KCNK13: variants seen among roughly 807,000 people sequenced by gnomAD.
The protein encoded by KCNK13 is potassium two pore domain channel subfamily K member 13, also known as potassium channel subfamily K member 13.
KCNK13 carries 12 observed loss-of-function variants against 23.4 expected under a neutral mutation model. The observed-to-expected ratio is 0.51, with a 90% confidence interval of 0.33 to 0.83. The LOEUF (loss-of-function observed/expected upper bound fraction) is 0.83, where lower values mean the gene tolerates loss of function less well. Among genes scored for constraint, KCNK13 ranks in the 40% least tolerant of loss-of-function variants. KCNK13 has a pLI of 0.02. For synonymous variants in KCNK13, 231 were observed against 229.5 expected (o/e 1.01, Z -0.06); for missense variants, 463 against 556.3 (o/e 0.83, Z 1.69).
intron 1 of KCNK13, among the ~76,000 whole-genome samples, chr14:90,129,187 A>G (rs1232130059): frequency 6.6e-6 from 1 of 152,050 alleles, no homozygotes; most frequent in Non-Finnish European, 1.5e-5. Flanking sequence ...ACTAGAACCT[A>G]TTTATTTTTG....
chr14:90,071,028 C>A (rs1020780985), intron 1 of KCNK13, among the ~76,000 whole-genome samples: 1 of 152,212 alleles, frequency 6.6e-6, no homozygotes, highest in African/African-American at 2.4e-5. Context: ...ACAGCCCTCA[C>A]TCTCCATTGC....
Position 90,062,325 on chromosome 14 carries a change from G to T in KCNK13, c.120G>T (p.Ala40=). The T allele has an allele frequency of 6.4e-7, 1 of 1,554,020 alleles. No homozygotes were observed. The change falls in exon 1 of 2, where the codon GCG becomes GCT. Residue 40 remains alanine (A), a synonymous_variant. Transcript: ENST00000282146. The surrounding 1 kb of genome is among the most constrained non-coding windows in gnomAD (Gnocchi z 4.5). ...TGGGCGGCGCCGCCGTCTTCTCCGC[G>T]CTGGAGCTGGCGCACGAGCGCCAGG... ...YLLGGAAVFS[A]LELAHERQAK...
At chr14:90,126,901 T>TA (rs1331857294) in intron 1 of KCNK13, among the ~76,000 whole-genome samples, 3 of 151,986 alleles carry the variant, frequency 2.0e-5, no homozygotes, top group Non-Finnish European at 2.9e-5. Flanking sequence ...TTCTACAAAA[T>TA]ACCTAACCAG....
intron 1 of KCNK13, among the ~76,000 whole-genome samples, chr14:90,143,216 T>A (rs1419649125): frequency 6.9e-6 from 1 of 145,810 alleles, no homozygotes; most frequent in Non-Finnish European, 1.5e-5. Flanking sequence ...TCTTTTCTTT[T>A]TTTTTTTTTG....
intron 1 of KCNK13, among the ~76,000 whole-genome samples, chr14:90,094,131 G>T (rs1009922768): frequency 5.1e-4 from 78 of 152,222 alleles, no homozygotes; most frequent in Non-Finnish European, 8.8e-5. Context: ...CCCTGTGTGT[G>T]CCTGCACCTT....
At position 90,174,715 on chromosome 14, in the gene KCNK13, T is replaced by C. The variant is rs571444928; in HGVS notation, c.335-9396T>C. Among the ~76,000 whole-genome samples the C allele has an allele frequency of 2.0e-3, 306 of 151,792 alleles. 2 individuals carry two copies. The highest frequency in any genetic ancestry group is 6.3e-3 in the African/African-American group (259 of 41,350). On this transcript the variant is annotated intron_variant, in intron 1 of 1. Transcript: ENST00000282146. ...CAAAAAATCCAAAAATTGGTTTTGT[T>C]TGGTATTGTAAACCAATAGTCCCAG...
chr14:90,153,788 G>C (rs138152120), intron 1 of KCNK13, among the ~76,000 whole-genome samples: 1 of 152,218 alleles, frequency 6.6e-6, no homozygotes, highest in South Asian at 2.1e-4. Context: ...TCTCGACTTA[G>C]AGGCAGGGAG....
At chr14:90,154,137 T>C (rs766665057) in intron 1 of KCNK13, among the ~76,000 whole-genome samples, 8 of 152,184 alleles carry the variant, frequency 5.3e-5, no homozygotes, top group Admixed American at 1.3e-4. Flanking sequence ...TATGAGAATG[T>C]TCTGCCCTTG....
chr14:90,112,450 C>T (rs1312283903), intron 1 of KCNK13, among the ~76,000 whole-genome samples: 7 of 152,090 alleles, frequency 4.6e-5, no homozygotes, highest in Admixed American at 1.3e-4. Context: ...TCAGTTCTTC[C>T]GTGGCTCAAC....
At chr14:90,112,255 C>T (rs1210894472) in intron 1 of KCNK13, among the ~76,000 whole-genome samples, 1 of 152,190 alleles carries the variant, frequency 6.6e-6, no homozygotes, top group East Asian at 1.9e-4. Context: ...GGGACTCCCA[C>T]CCACCAAGGG....
At chr14:90,166,627 A>C (rs1890306559) in intron 1 of KCNK13, among the ~76,000 whole-genome samples, 1 of 151,112 alleles carries the variant, frequency 6.6e-6, no homozygotes, top group African/African-American at 2.4e-5. Context: ...AATCACTTGA[A>C]CCTGGGAGGT....
chr14:90,185,017 AT>A lies in KCNK13; in HGVS notation c.*15del. 1 of 1,555,334 alleles carries A rather than the reference AT, an allele frequency of 6.4e-7. No individual in the cohort carries two copies. The highest frequency in any genetic ancestry group is 8.7e-7 in the Non-Finnish European group (1 of 1,152,394). On this transcript the variant is annotated 3_prime_UTR_variant, in exon 2 of 2. Coordinates refer to ENST00000282146, the MANE Select transcript of KCNK13 (RefSeq NM_022054.4). Reference sequence around the variant, plus strand: ...GGGGACAGGTAGAAGCCAGGAGTGGATGCTGGGCAGAGGCCAGAGTAGAATG... The same window carrying A: ...GGGGACAGGTAGAAGCCAGGAGTGGAGCTGGGCAGAGGCCAGAGTAGAATG...
chr14:90,180,800 C>G (rs1890475861), intron 1 of KCNK13, among the ~76,000 whole-genome samples: 1 of 152,112 alleles, frequency 6.6e-6, no homozygotes, highest in African/African-American at 2.4e-5. Context: ...GCATTTGGGC[C>G]CCTAAACCCA....
At chr14:90,137,416 G>A (rs1324229557) in intron 1 of KCNK13, among the ~76,000 whole-genome samples, 1 of 152,056 alleles carries the variant, frequency 6.6e-6, no homozygotes, top group African/African-American at 2.4e-5. Context: ...TGCCTCCCAG[G>A]TTCAAGCGAT....
At chr14:90,109,032 C>T (rs1889580961) in intron 1 of KCNK13, among the ~76,000 whole-genome samples, 1 of 152,010 alleles carries the variant, frequency 6.6e-6, no homozygotes, top group South Asian at 2.1e-4. Context: ...AAAATATTAG[C>T]CGGGCATGGT....
intron 1 of KCNK13, among the ~76,000 whole-genome samples, chr14:90,155,833 G>A (rs1486860498): frequency 6.6e-6 from 1 of 152,154 alleles, no homozygotes; most frequent in Non-Finnish European, 1.5e-5. Context: ...GTATTACATA[G>A]CCAAGTGGAA....
intron 1 of KCNK13, among the ~76,000 whole-genome samples, chr14:90,069,379 T>G (rs534556541): frequency 2.6e-5 from 4 of 152,252 alleles, no homozygotes; most frequent in Non-Finnish European, 4.4e-5. Flanking sequence ...AGTGCCCTTT[T>G]CTGTCCCGGG....
At chr14:90,096,813 C>A (rs1889416063) in intron 1 of KCNK13, among the ~76,000 whole-genome samples, 2 of 152,208 alleles carry the variant, frequency 1.3e-5, no homozygotes, top group African/African-American at 4.8e-5. Context: ...CTTCTGCTTT[C>A]TGCTTCTTCT....
intron 1 of KCNK13, among the ~76,000 whole-genome samples, chr14:90,125,265 CGAGGCTG>C (rs1889783226): frequency 6.6e-6 from 1 of 151,394 alleles, no homozygotes; most frequent in African/African-American, 2.4e-5. Flanking sequence ...ACTCTGTCGC[CGAGGCTG>C]GAGTGCAGTG....
Sources: gnomAD v4.1 joint callset for allele counts (sites outside exome capture counted in the v4.1 genomes callset) on GRCh38, gnomAD v4.1.1 for gene constraint, Gnocchi (gnomAD v3.1) non-coding constraint, MANE v1.5 for transcripts, NCBI Gene and HGNC (gene_info 2026-07-23, HGNC 2026-07-21) for gene names.